The following DDX31 variants were observed in gnomAD, a reference collection of about 807,000 sequenced individuals.
DDX31 encodes the protein DEAD-box helicase 31, also known as ATP-dependent DNA helicase DDX31.
DDX31 carries 70 observed loss-of-function variants against 91.3 expected under a neutral mutation model. That is an observed-to-expected ratio of 0.77 (90% CI 0.63 to 0.94). The LOEUF (loss-of-function observed/expected upper bound fraction) is 0.94. Ranked by LOEUF, DDX31 falls within the 40% of genes least tolerant of loss-of-function variation. DDX31 has a pLI of 0.00. For synonymous variants in DDX31, 362 were observed against 350.6 expected, an observed-to-expected ratio of 1.03 and a Z score of -0.36; for missense variants, 902 against 925.0, an observed-to-expected ratio of 0.98 and a Z score of 0.32.
chr9:132,601,206 C>G (rs889568521), intron 19 of DDX31, among the ~76,000 whole-genome samples: 2 of 152,174 alleles, frequency 1.3e-5, no homozygotes, highest in African/African-American at 2.4e-5. Flanking sequence ...GCAGGAACAG[C>G]TAATACACTG....
At chr9:132,597,321 G>A (rs1342928696) in intron 19 of DDX31, among the ~76,000 whole-genome samples, 1 of 152,180 alleles carries the variant, frequency 6.6e-6, no homozygotes, top group Non-Finnish European at 1.5e-5. Context: ...GCCTGCGGTT[G>A]GGCGCACTCA....
intron 8 of DDX31, among the ~76,000 whole-genome samples, 170 bp from the exon 9 acceptor site, chr9:132,650,468 A>G (rs888962146): frequency 1.3e-5 from 2 of 152,218 alleles, no homozygotes; most frequent in African/African-American, 4.8e-5. Flanking sequence ...ACCCATGTTC[A>G]CTATCAGCAG....
intron 17 of DDX31, among the ~76,000 whole-genome samples, chr9:132,620,204 C>A (rs572647785): frequency 1.3e-5 from 2 of 151,868 alleles, no homozygotes; most frequent in Non-Finnish European, 2.9e-5. Context: ...GCCAGGGAGG[C>A]AGAGAGGTTT....
Position 132,646,083 on chromosome 9 carries a change from C to T in DDX31, c.1204-12G>A, listed in dbSNP as rs745411242. The T allele has an allele frequency of 1.2e-6, 2 of 1,606,580 alleles. No homozygotes were observed. Among genetic ancestry groups the T allele is most frequent in the South Asian group, 2.2e-5 (2 of 90,790 alleles). On this transcript the variant is annotated splice_polypyrimidine_tract_variant and intron_variant, in intron 12 of 19. Coordinates refer to ENST00000372159, the MANE Select transcript of DDX31 (RefSeq NM_022779.9). ...TGGTCTTCCTCAAACTACATCGATA[C>T]AAAGGGAGGAAAAACCGACATATTT...
At chr9:132,645,166 T>G (rs1331127715) in intron 13 of DDX31, among the ~76,000 whole-genome samples, 1 of 152,128 alleles carries the variant, frequency 6.6e-6, no homozygotes, top group African/African-American at 2.4e-5. Context: ...CTATTTCGAG[T>G]CTTGCTCGTT....
At chr9:132,666,518 A>T (rs1057468360) in intron 1 of DDX31, among the ~76,000 whole-genome samples, 3 of 151,168 alleles carry the variant, frequency 2.0e-5, no homozygotes, top group Admixed American at 6.6e-5. Context: ...AATATCAGAA[A>T]TTTTTTTTTG....
chr9:132,627,623 A>T lies in DDX31; in HGVS notation c.1632-1878T>A, dbSNP rs534337214. ...AAACACATTTAAAGGGGAGGCAGAAAAAAGTTAAGAAGTTGACAAATACAA... is the reference window on the plus strand; with the variant it reads ...AAACACATTTAAAGGGGAGGCAGAATAAAGTTAAGAAGTTGACAAATACAA... On this transcript the variant is annotated intron_variant, in intron 16 of 19. Coordinates refer to ENST00000372159, the MANE Select transcript of DDX31 (RefSeq NM_022779.9). Among the ~76,000 whole-genome samples, 7 of 152,384 alleles carry T rather than the reference A, an allele frequency of 4.6e-5. No individual in the cohort carries two copies. In the South Asian group the frequency reaches 1.4e-3, roughly 32 times the overall value.
intron 13 of DDX31, among the ~76,000 whole-genome samples, chr9:132,643,533 A>G (rs1833630799): frequency 6.6e-6 from 1 of 152,216 alleles, no homozygotes; most frequent in Admixed American, 6.5e-5. Context: ...TACAAACAAC[A>G]AACATTCATC....
intron 17 of DDX31, among the ~76,000 whole-genome samples, chr9:132,619,578 T>C (rs933204927): frequency 1.3e-5 from 2 of 152,214 alleles, no homozygotes; most frequent in African/African-American, 4.8e-5. Context: ...TTCATCTCTA[T>C]ATTAAGAGAC....
chr9:132,644,871 T>C (rs998250355), intron 13 of DDX31, among the ~76,000 whole-genome samples: 2 of 152,160 alleles, frequency 1.3e-5, no homozygotes, highest in African/African-American at 2.4e-5. Context: ...TATTCAGGGA[T>C]TTCTATATAA....
At chr9:132,600,801 G>A (rs1277864661) in intron 19 of DDX31, among the ~76,000 whole-genome samples, 3 of 152,178 alleles carry the variant, frequency 2.0e-5, no homozygotes, top group Non-Finnish European at 2.9e-5. Context: ...GATGACCTTG[G>A]TTGGAATCCC....
intron 18 of DDX31, among the ~76,000 whole-genome samples, chr9:132,616,352 T>C (rs1294412462): frequency 6.6e-6 from 1 of 152,214 alleles, no homozygotes; most frequent in Non-Finnish European, 1.5e-5. Flanking sequence ...GTGACCCTGC[T>C]TGTTTCATGG....
At position 132,648,305 on chromosome 9, in the gene DDX31, T is replaced by TA. The variant is rs200172474; in HGVS notation, c.861-11dup. On this transcript the variant is annotated splice_polypyrimidine_tract_variant and intron_variant, in intron 10 of 19. Transcript: ENST00000372159. Reference sequence around the variant, plus strand: ...ACCCAAATCCAAGATTCTGTGATTGTAAAAAAAAAAAGAAATTTTCAACTA... The same window carrying TA: ...ACCCAAATCCAAGATTCTGTGATTGTAAAAAAAAAAAAGAAATTTTCAACTA... 19,234 of 1,163,914 alleles carry TA rather than the reference T, an allele frequency of 0.017. 94 individuals carry two copies. Among genetic ancestry groups the TA allele is most frequent in the African/African-American group, 0.075 (4,860 of 64,456 alleles). The allele number at this position is 1,163,914 out of a possible 1,614,324, so 72.1% of individuals were successfully genotyped here.
At chr9:132,639,876 AT>A (rs1166949202) in intron 14 of DDX31, among the ~76,000 whole-genome samples, 40 of 152,354 alleles carry the variant, frequency 2.6e-4, no homozygotes, top group African/African-American at 9.1e-4. Context: ...CTATTTCAAT[AT>A]TCACAGTCCA....
chr9:132,629,721 G>A (rs1398584824), intron 16 of DDX31, among the ~76,000 whole-genome samples: 1 of 152,202 alleles, frequency 6.6e-6, no homozygotes, highest in Non-Finnish European at 1.5e-5. Flanking sequence ...ACCAAGTCTA[G>A]AATCCAGGGC....
chr9:132,669,570 C>T (rs749927844), intron 1 of DDX31: 2 of 1,468,964 alleles, frequency 1.4e-6, no homozygotes, highest in South Asian at 2.4e-5. Context: ...CAGGTCCTAC[C>T]TTCCACGGGA....
At chr9:132,643,013 G>A (rs968182887) in intron 13 of DDX31, among the ~76,000 whole-genome samples, 7 of 152,024 alleles carry the variant, frequency 4.6e-5, no homozygotes, top group Admixed American at 1.3e-4. Flanking sequence ...CTGAAGAGAC[G>A]AGGTTTTGCC....
chr9:132,654,962 A>AAAG (rs1384578891), intron 6 of DDX31, among the ~76,000 whole-genome samples: 2 of 151,630 alleles, frequency 1.3e-5, no homozygotes, highest in African/African-American at 2.4e-5. Context: ...AAAAAAAAAA[A>AAAG]AAGAAGAAGA....
At position 132,661,242 on chromosome 9, in the gene DDX31, T is replaced by C. The variant is rs756539611; in HGVS notation, c.418A>G (p.Ile140Val). 2.5e-6 allele frequency: 4 copies of C among 1,605,650 alleles called. No individual in the cohort carries two copies. Among genetic ancestry groups the C allele is most frequent in the Non-Finnish European group, 2.6e-6 (3 of 1,175,216 alleles). Residue 140 changes from isoleucine (I) to valine (V), a missense_variant, in exon 4 of 20, where the codon ATA becomes GTA. By Grantham distance (29) the Ile-to-Val change is conservative. Coordinates refer to ENST00000372159, the MANE Select transcript of DDX31 (RefSeq NM_022779.9). Reference sequence around the variant, plus strand: ...CTAGACATTTTTAAGACCGTATTTATTGTGGAAATCTAAAAGAGGAGATGA... The same window carrying C: ...CTAGACATTTTTAAGACCGTATTTACTGTGGAAATCTAAAAGAGGAGATGA... Reference protein sequence around the residue: ...LGLHPHLISTINTVLKMSSMT... With the variant: ...LGLHPHLISTVNTVLKMSSMT...
Sources: gnomAD v4.1 joint callset for allele counts (sites outside exome capture counted in the v4.1 genomes callset) on GRCh38, gnomAD v4.1.1 for gene constraint, MANE v1.5 for transcripts, NCBI Gene and HGNC (gene_info 2026-07-23, HGNC 2026-07-21) for gene names.